Variants in ATG2B observed in about 807,000 individuals in gnomAD.
ATG2B encodes the protein autophagy-related protein 2 homolog B.
A neutral mutation model predicts 241.3 loss-of-function variants in ATG2B; 121 were observed. The ratio of observed to expected loss-of-function variants is 0.50; its 90% CI spans 0.43 to 0.58. The LOEUF (loss-of-function observed/expected upper bound fraction) is 0.58. Among genes scored for constraint, ATG2B ranks in the 20% least tolerant of loss-of-function variants. The probability of loss-of-function intolerance (pLI) is 0.00; values close to 1 mark genes in which losing one functional copy is unlikely to be tolerated. For missense variants in ATG2B, 2,306 were observed against 2,491.6 expected (o/e 0.93, Z 1.59); for synonymous variants, 858 against 876.6 (o/e 0.98, Z 0.37).
Position 96,289,614 on chromosome 14 carries a change from G to T in ATG2B, c.6006+42C>A. ...CTCTTTAGGTGAAAGTTGGGAAAGC[G>T]CACAGAAGGGTTCTGATGTGTCCAC... On this transcript the variant is annotated intron_variant, in intron 41 of 41. Transcript: ENST00000359933. This position sits in a 1 kb window ranked among gnomAD's most constrained non-coding sequence, Gnocchi z 4.3. 1 of 1,602,350 alleles carries T rather than the reference G, an allele frequency of 6.2e-7. No individual in the cohort carries two copies. The highest frequency in any genetic ancestry group is 8.5e-7 in the Non-Finnish European group (1 of 1,174,160).
intron 34 of ATG2B, among the ~76,000 whole-genome samples, chr14:96,295,926 A>G (rs1482020469): frequency 6.6e-6 from 1 of 152,220 alleles, no homozygotes; most frequent in Non-Finnish European, 1.5e-5. Context: ...CTCATTCTGC[A>G]TTGTGGTGAT....
intron 28 of ATG2B, 148 bp downstream of exon 28, chr14:96,310,969 C>T: frequency 3.2e-6 from 2 of 624,964 alleles, no homozygotes; most frequent in South Asian, 5.1e-5. Flanking sequence ...CATGAAACCA[C>T]CGTTTCAGAC....
chr14:96,357,644 A>G (rs1344558344), intron 1 of ATG2B, among the ~76,000 whole-genome samples: 2 of 151,936 alleles, frequency 1.3e-5, no homozygotes, highest in South Asian at 2.1e-4. Flanking sequence ...ACGGTCATCA[A>G]GGTTCTTCCC....
Position 96,313,313 on chromosome 14 carries a change from C to T in ATG2B, c.3749+16G>A, listed in dbSNP as rs1887213238. ...ATTTTAAATAAAACTTTATTTTGTT[C>T]CATTTGTGAACTTACCTATAATCAA... is the stretch of plus-strand genomic sequence containing the variant. On this transcript the variant is annotated intron_variant, in intron 24 of 41. Coordinates refer to ENST00000359933, the MANE Select transcript of ATG2B (RefSeq NM_018036.7). 2 of 1,519,682 alleles carry T rather than the reference C, an allele frequency of 1.3e-6. No individual in the cohort carries two copies. The highest frequency in any genetic ancestry group is 1.8e-6 in the Non-Finnish European group (2 of 1,118,664). The allele number at this position is 1,519,682 out of a possible 1,614,324, so 94.1% of individuals were successfully genotyped here. A position where few individuals can be genotyped will look rare whatever the true frequency, so the allele number is the denominator to read the frequency against.
In ATG2B at chr14:96,330,781, A is replaced by G. The variant is rs569568582; in HGVS notation, c.1730+595T>C. Among the ~76,000 whole-genome samples the G allele has an allele frequency of 2.6e-5, 4 of 152,326 alleles. No homozygotes were observed. In the South Asian group the frequency reaches 8.3e-4, roughly 32 times the overall value. On this transcript the variant is annotated intron_variant, in intron 11 of 41. Coordinates refer to ENST00000359933, the MANE Select transcript of ATG2B (RefSeq NM_018036.7). ...TCTGTCTCAAAACAAAAAACAAAAC[A>G]AAACAAAAAAACCAACTATATTACA...
intron 1 of ATG2B, among the ~76,000 whole-genome samples, chr14:96,353,230 G>A (rs969621347): frequency 2.6e-5 from 4 of 152,122 alleles, no homozygotes; most frequent in Admixed American, 2.6e-4. Flanking sequence ...ACTGCCTAAT[G>A]ACCCATTTCT....
chr14:96,316,603 T>G lies in ATG2B; in HGVS notation c.3291A>C (p.Thr1097=). The part of the protein sequence containing the change: ...EFNSGSLFCV[T]KYEGFDDKHY... ...GCTTGTCATCAAAACCTTCATATTTTGTCACACAAAATAATGAACCACTAT... is the reference window on the plus strand; with the variant it reads ...GCTTGTCATCAAAACCTTCATATTTGGTCACACAAAATAATGAACCACTAT... Residue 1097 remains threonine, a synonymous_variant, in exon 21 of 42, where the codon ACA becomes ACC. Transcript: ENST00000359933. The G allele has an allele frequency of 6.2e-7, 1 of 1,613,744 alleles. No individual in the cohort carries two copies. Among genetic ancestry groups the G allele is most frequent in the Non-Finnish European group, 8.5e-7 (1 of 1,179,854 alleles).
chr14:96,309,971 C>A (rs774362705), intron 28 of ATG2B, among the ~76,000 whole-genome samples: 4 of 152,140 alleles, frequency 2.6e-5, no homozygotes, highest in Non-Finnish European at 5.9e-5. Flanking sequence ...CATAAAGCCC[C>A]TGTAGGACGA....
chr14:96,308,105 A>G (rs1328235536), intron 29 of ATG2B, among the ~76,000 whole-genome samples: 1 of 149,282 alleles, frequency 6.7e-6, no homozygotes, highest in Non-Finnish European at 1.5e-5. Context: ...AATAATCACT[A>G]AATATTCTTT....
At chr14:96,321,977 A>AC in intron 18 of ATG2B, 135 bp downstream of exon 18, 1 of 640,248 alleles carries the variant, frequency 1.6e-6, no homozygotes. Context: ...GGCAATAGTC[A>AC]CCATCAACAC....
At chr14:96,352,857 G>A (rs2139906617) in intron 1 of ATG2B, among the ~76,000 whole-genome samples, 1 of 152,122 alleles carries the variant, frequency 6.6e-6, no homozygotes, top group South Asian at 2.1e-4. Context: ...TCTAGCCGAA[G>A]TGTACAGTGT....
chr14:96,335,356 C>T (rs1887842135), intron 6 of ATG2B, among the ~76,000 whole-genome samples: 1 of 152,066 alleles, frequency 6.6e-6, no homozygotes, highest in Admixed American at 6.5e-5. Flanking sequence ...CCTTCTGATT[C>T]TAAAACAAAA....
rs973649087 is a variant in ATG2B, at chr14:96,296,759, T to C, written c.5140-1199A>G. On this transcript the variant is annotated intron_variant, in intron 34 of 41. Coordinates refer to ENST00000359933, the MANE Select transcript of ATG2B (RefSeq NM_018036.7). ...CCAGGCGACAGTGCGAGACACTGTCTCAAAAAAAAAAAAAAAACCCAACAA... is the reference window on the plus strand; with the variant it reads ...CCAGGCGACAGTGCGAGACACTGTCCCAAAAAAAAAAAAAAAACCCAACAA... 1.4e-4 allele frequency among the ~76,000 whole-genome samples: 19 copies of C among 133,130 alleles called. 1 individual carries two copies. The Admixed American group carries it at 1.4e-3, about 10-fold the overall frequency. 87.3% of individuals were successfully genotyped at this position (133,130 alleles called of 152,430 possible).
intron 41 of ATG2B, among the ~76,000 whole-genome samples, chr14:96,287,021 C>T (rs1377554000): frequency 2.0e-5 from 3 of 151,746 alleles, no homozygotes; most frequent in Non-Finnish European, 4.4e-5. Context: ...TTTAGGAGGC[C>T]GAGGCAGGCG....
Position 96,302,029 on chromosome 14 carries a change from G to A in ATG2B, c.5117C>T (p.Pro1706Leu), listed in dbSNP as rs2139846881. The part of the protein sequence containing the change: ...QECCLRVSLM[P>L]LRLNIDQDAL... Reference sequence around the variant, plus strand: ...AACCTGGTCAATATTGAGGCGGAGCGGCATCAGCGACACTCTCAAGCAGCA... The same window carrying A: ...AACCTGGTCAATATTGAGGCGGAGCAGCATCAGCGACACTCTCAAGCAGCA... Residue 1706 changes from proline (P) to leucine (L), a missense_variant, in exon 34 of 42, where the codon CCG becomes CTG. Around this residue, in one of 2 missense-constraint regions of ATG2B, gnomAD observed 379 missense variants for 480.4 expected, o/e 0.79. Coordinates refer to ENST00000359933, the MANE Select transcript of ATG2B (RefSeq NM_018036.7). The A allele has an allele frequency of 3.1e-6, 5 of 1,613,920 alleles. No homozygotes were observed. Among genetic ancestry groups the A allele is most frequent in the Middle Eastern group, 1.6e-4 (1 of 6,062 alleles).
rs377142499 is a variant in ATG2B at position 96,343,245 on chromosome 14, T to C, written c.618A>G (p.Ser206=). ...CAGTGGGTTGATGCACATTAATTCC[T>C]GAGGATTCGTCAGCAGTTTCATCAC... ...VYCDETADES[S]GINVHQPTAF... Residue 206 remains serine (S), a synonymous_variant, in exon 5 of 42, where the codon TCA becomes TCG. Coordinates refer to ENST00000359933, the MANE Select transcript of ATG2B (RefSeq NM_018036.7). The C allele has an allele frequency of 1.9e-4, 308 of 1,608,506 alleles. No homozygotes were observed. Among genetic ancestry groups the C allele is most frequent in the Admixed American group, 1.0e-3 (60 of 58,452 alleles).
rs201351586 is a variant in ATG2B at position 96,303,094 on chromosome 14, A to G, written c.5004T>C (p.Ser1668=). The change falls in exon 33 of 42, where the codon AGT becomes AGC. Residue 1668 remains serine (S), a synonymous_variant. Transcript: ENST00000359933. The part of the protein sequence containing the change: ...QMNKFLYLYC[S]KEMPRKAHSN... ...AGTGAGCTTTTCGAGGCATTTCTTT[A>G]CTGCAATACAGGTATAAAAATTTAT... The G allele has an allele frequency of 6.2e-7, 1 of 1,604,080 alleles. No individual in the cohort carries two copies. Among genetic ancestry groups the G allele is most frequent in the East Asian group, 2.3e-5 (1 of 44,376 alleles).
At position 96,289,640 on chromosome 14, in the gene ATG2B, C is replaced by T. The variant is rs1287848431; in HGVS notation, c.6006+16G>A. 6.2e-7 allele frequency: 1 copy of T among 1,613,740 alleles called. No individual in the cohort carries two copies. The highest frequency in any genetic ancestry group is 1.1e-5 in the South Asian group (1 of 91,010). Reference sequence around the variant, plus strand: ...CACAGAAGGGTTCTGATGTGTCCACCCAAGTATTCAGTTACCTCTTTCACA... The same window carrying T: ...CACAGAAGGGTTCTGATGTGTCCACTCAAGTATTCAGTTACCTCTTTCACA... On this transcript the variant is annotated intron_variant, in intron 41 of 41. Coordinates refer to ENST00000359933, the MANE Select transcript of ATG2B (RefSeq NM_018036.7). The surrounding 1 kb of genome is among the most constrained non-coding windows in gnomAD (Gnocchi z 4.3).
rs3809420 is a variant in ATG2B at position 96,282,539 on chromosome 14, T to C, written c.*3216A>G. The C allele has an allele frequency of 0.82, 125,444 of 152,258 alleles. 52,145 individuals are homozygous for C. Among genetic ancestry groups the C allele is most frequent in the African/African-American group, 0.94 (39,020 of 41,566 alleles). 9.4% of individuals were successfully genotyped at this position (152,258 alleles called of 1,614,324 possible). A position where few individuals can be genotyped will look rare whatever the true frequency, so the allele number is the denominator to read the frequency against. On this transcript the variant is annotated 3_prime_UTR_variant, in exon 42 of 42. Transcript: ENST00000359933. ...CCAAGTCACACAGCTCTTTACACATTGAAAATCTGAGTTAATGTTAAGACA... is the reference window on the plus strand; with the variant it reads ...CCAAGTCACACAGCTCTTTACACATCGAAAATCTGAGTTAATGTTAAGACA...
Sources: allele counts gnomAD v4.1 joint callset (sites outside exome capture counted in the v4.1 genomes callset), GRCh38; gene constraint gnomAD v4.1.1; regional missense constraint gnomAD v4.1.1; non-coding constraint Gnocchi (gnomAD v3.1); transcripts MANE v1.5; gene names NCBI Gene and HGNC (gene_info 2026-07-23, HGNC 2026-07-21).